Variants in PAIP2B observed in about 807,000 individuals in gnomAD.
The protein encoded by PAIP2B is polyadenylate-binding protein-interacting protein 2B.
Under a neutral mutation model 17.0 loss-of-function variants are expected in PAIP2B, and 13 were observed. That is an observed-to-expected ratio of 0.76 (90% confidence interval 0.50 to 1.22). PAIP2B has a LOEUF of 1.22. Among genes scored for constraint, PAIP2B ranks in the 50% most tolerant of loss-of-function variants. PAIP2B has a pLI of 0.00. For synonymous variants in PAIP2B, 43 were observed against 48.7 expected (o/e 0.88, Z 0.48); for missense variants, 117 against 144.5 (o/e 0.81, Z 0.98).
chr2:71,198,285 A>AT lies in PAIP2B; in HGVS notation c.138+4166dup, dbSNP rs35659531. ...AGGTGCCTGCCACCAGGCCCAGCTAATTTTTTTTTTTTTTTTTTGAGACAG... is the reference window on the plus strand; with the variant it reads ...AGGTGCCTGCCACCAGGCCCAGCTAATTTTTTTTTTTTTTTTTTTGAGACAG... On this transcript the variant is annotated intron_variant, in intron 2 of 3. Transcript: ENST00000244221. Among the ~76,000 whole-genome samples, 538 of 130,440 alleles carry AT rather than the reference A, an allele frequency of 4.1e-3. 6 individuals are homozygous for AT. Among genetic ancestry groups the AT allele is most frequent in the African/African-American group, 0.012 (425 of 35,632 alleles). 85.6% of individuals were successfully genotyped at this position (130,440 alleles called of 152,430 possible).
At chr2:71,194,459 T>TTGTG (rs141924993) in intron 2 of PAIP2B, among the ~76,000 whole-genome samples, 16,554 of 143,312 alleles carry the variant, frequency 0.12, 977 homozygotes, top group Non-Finnish European at 0.13. Context: ...TATTCCTAGG[T>TTGTG]TGTGTGTGTG....
At chr2:71,221,714 A>G (rs1457236723) in intron 1 of PAIP2B, among the ~76,000 whole-genome samples, 4 of 151,812 alleles carry the variant, frequency 2.6e-5, no homozygotes, top group African/African-American at 9.7e-5. Flanking sequence ...TTCTAAAGAA[A>G]CTCTCCAAAG....
intron 1 of PAIP2B, among the ~76,000 whole-genome samples, chr2:71,218,377 G>C (rs1675486894): frequency 6.6e-6 from 1 of 151,136 alleles, no homozygotes; most frequent in South Asian, 2.1e-4. Context: ...GGAGAAATAA[G>C]GCACTTCCCA....
chr2:71,223,999 T>C (rs544645414), intron 1 of PAIP2B, among the ~76,000 whole-genome samples: 3 of 152,324 alleles, frequency 2.0e-5, no homozygotes, highest in Admixed American at 6.5e-5. Context: ...CAAATACTTG[T>C]GGAGCTTTCA....
At chr2:71,193,104 C>CT (rs969958125) in intron 2 of PAIP2B, among the ~76,000 whole-genome samples, 15 of 151,484 alleles carry the variant, frequency 9.9e-5, no homozygotes, top group Admixed American at 3.9e-4. Flanking sequence ...CGTGTTTTTT[C>CT]TTTTTTTTTA....
chr2:71,183,786 A>G lies in PAIP2B; in HGVS notation c.*4693T>C, dbSNP rs1380751152. ...GGGGGTAAGAACAGGATTAACTGTA[A>G]AAGAGCATGAAGGATCTTATTGGGA... is the stretch of plus-strand genomic sequence containing the variant. On this transcript the variant is annotated 3_prime_UTR_variant, in exon 4 of 4. Coordinates refer to ENST00000244221, the MANE Select transcript of PAIP2B (RefSeq NM_020459.1). The G allele has an allele frequency of 6.6e-6, 1 of 152,234 alleles. No homozygotes were observed. The highest frequency in any genetic ancestry group is 1.5e-5 in the Non-Finnish European group (1 of 68,034). 9.4% of individuals were successfully genotyped at this position (152,234 alleles called of 1,614,324 possible). A position where few individuals can be genotyped will look rare whatever the true frequency, so the allele number is the denominator to read the frequency against.
chr2:71,190,583 T>C (rs934242239), intron 2 of PAIP2B, among the ~76,000 whole-genome samples: 3 of 152,206 alleles, frequency 2.0e-5, no homozygotes, highest in Admixed American at 6.5e-5. Flanking sequence ...AAAATAGTTA[T>C]TCACAGTAAC....
Position 71,193,328 on chromosome 2 carries a change from G to A in PAIP2B, c.139-3307C>T, listed in dbSNP as rs1420257163. ...AAATTTAAGTTCCTTATAGATGCTT[G>A]ATATCAGACCTTTGTCATATGCATA... On this transcript the variant is annotated intron_variant, in intron 2 of 3. Transcript: ENST00000244221. Among the ~76,000 whole-genome samples, 3 of 152,084 alleles carry A rather than the reference G, an allele frequency of 2.0e-5. No homozygotes were observed. The East Asian group carries it at 5.8e-4, about 29-fold the overall frequency.
chr2:71,207,482 T>C (rs1285961893), intron 1 of PAIP2B, among the ~76,000 whole-genome samples: 4 of 152,250 alleles, frequency 2.6e-5, no homozygotes, highest in South Asian at 2.1e-4. Context: ...TCCTAAATAA[T>C]AGAAGCCATT....
chr2:71,226,621 C>G (rs1675736343), intron 1 of PAIP2B, among the ~76,000 whole-genome samples: 1 of 151,636 alleles, frequency 6.6e-6, no homozygotes, highest in Non-Finnish European at 1.5e-5. Context: ...GTTAGGAGGA[C>G]GCTGAGGGGA....
At chr2:71,219,181 T>A (rs1410112705) in intron 1 of PAIP2B, among the ~76,000 whole-genome samples, 1 of 151,276 alleles carries the variant, frequency 6.6e-6, no homozygotes, top group Non-Finnish European at 1.5e-5. Flanking sequence ...CCACCCACCT[T>A]GGCCTCCCAA....
At chr2:71,219,733 C>G (rs557213487) in intron 1 of PAIP2B, among the ~76,000 whole-genome samples, 26 of 152,054 alleles carry the variant, frequency 1.7e-4, no homozygotes, top group Non-Finnish European at 2.2e-4. Context: ...ATACATAGTT[C>G]AAAAATATTT....
At chr2:71,212,335 G>A (rs147590435) in intron 1 of PAIP2B, among the ~76,000 whole-genome samples, 1,958 of 152,286 alleles carry the variant, frequency 0.013, 16 homozygotes, top group Non-Finnish European at 0.021. Context: ...TTTGGGACTA[G>A]TCTATAACCT....
rs533721497 is a variant in PAIP2B at position 71,206,541 on chromosome 2, T to C, written c.-11-3941A>G. Among the ~76,000 whole-genome samples the C allele has an allele frequency of 4.6e-5, 7 of 152,276 alleles. No individual in the cohort carries two copies. The East Asian group carries it at 1.3e-3, about 29-fold the overall frequency. On this transcript the variant is annotated intron_variant, in intron 1 of 3. Transcript: ENST00000244221. The stretch of plus-strand genomic sequence containing the variant: ...GGTCAAGACATATTTGTGTCTAAAA[T>C]ATGTGGCTTGAAATAGGGACTTATG...
At chr2:71,196,978 CTG>C (rs1210594025) in intron 2 of PAIP2B, among the ~76,000 whole-genome samples, 2 of 152,132 alleles carry the variant, frequency 1.3e-5, no homozygotes, top group Non-Finnish European at 2.9e-5. Context: ...GCTTGCCACT[CTG>C]TGCCTTTTAA....
chr2:71,224,097 T>A (rs1031743566), intron 1 of PAIP2B, among the ~76,000 whole-genome samples: 11 of 152,160 alleles, frequency 7.2e-5, no homozygotes, highest in Non-Finnish European at 1.5e-5. Flanking sequence ...GTCTCAGCCC[T>A]CATACAAAGA....
intron 1 of PAIP2B, among the ~76,000 whole-genome samples, chr2:71,223,726 C>T (rs1042005053): frequency 1.3e-5 from 2 of 152,132 alleles, no homozygotes; most frequent in South Asian, 2.1e-4. Flanking sequence ...CATGAACCAC[C>T]ACGCTCAGCC....
At chr2:71,211,358 C>T (rs1054161861) in intron 1 of PAIP2B, among the ~76,000 whole-genome samples, 1 of 151,972 alleles carries the variant, frequency 6.6e-6, no homozygotes, top group Non-Finnish European at 1.5e-5. Context: ...GGAAGTTTTT[C>T]CACATCCATA....
At chr2:71,191,516 G>A (rs977444091) in intron 2 of PAIP2B, among the ~76,000 whole-genome samples, 1 of 152,206 alleles carries the variant, frequency 6.6e-6, no homozygotes, top group Non-Finnish European at 1.5e-5. Context: ...TCCCGACAGA[G>A]CCACATTAGG....
Sources: allele counts gnomAD v4.1 joint callset (sites outside exome capture counted in the v4.1 genomes callset), GRCh38; gene constraint gnomAD v4.1.1; transcripts MANE v1.5; gene names NCBI Gene and HGNC (gene_info 2026-07-23, HGNC 2026-07-21).